Variants in ZBTB20 observed in about 807,000 individuals in gnomAD.
The protein encoded by ZBTB20 is zinc finger and BTB domain containing 20.
In ZBTB20, 9 loss-of-function variants were observed where a neutral mutation model predicts 56.9. The ratio of observed to expected loss-of-function variants is 0.16; its 90% CI spans 0.10 to 0.28. ZBTB20 has a LOEUF of 0.28. Ranked by LOEUF, ZBTB20 falls within the 10% of genes least tolerant of loss-of-function variation. The pLI is 1.00. For synonymous variants in ZBTB20, 417 were observed against 420.7 expected (o/e 0.99, Z 0.11); for missense variants, 655 against 1,003.0 (o/e 0.65, Z 4.69).
At chr3:114,498,493 T>C (rs1243683450) in intron 7 of ZBTB20, among the ~76,000 whole-genome samples, 1 of 152,158 alleles carries the variant, frequency 6.6e-6, no homozygotes, top group Non-Finnish European at 1.5e-5. Context: ...GGGGCACCAC[T>C]CTGGAGCCAT....
At chr3:114,553,774 T>G (rs531582997) in intron 6 of ZBTB20, among the ~76,000 whole-genome samples, 1 of 152,148 alleles carries the variant, frequency 6.6e-6, no homozygotes. Context: ...GTGTTCAAGT[T>G]CAGGATTGAG....
chr3:114,458,182 A>G (rs1035812268), intron 7 of ZBTB20, among the ~76,000 whole-genome samples: 1 of 152,190 alleles, frequency 6.6e-6, no homozygotes, highest in Non-Finnish European at 1.5e-5. Context: ...CAGTGTTAGC[A>G]CAAGGGTTAT....
chr3:115,108,104 G>A (rs1359364815), intron 1 of ZBTB20, among the ~76,000 whole-genome samples: 1 of 151,290 alleles, frequency 6.6e-6, no homozygotes, highest in Non-Finnish European at 1.5e-5. Flanking sequence ...GTATACCTAT[G>A]TAACAAATGT....
At chr3:114,746,036 T>C (rs1382832795) in intron 5 of ZBTB20, among the ~76,000 whole-genome samples, 1 of 152,168 alleles carries the variant, frequency 6.6e-6, no homozygotes, top group Non-Finnish European at 1.5e-5. Context: ...CTGCCCCTTG[T>C]TCTAAAAGTT....
intron 6 of ZBTB20, among the ~76,000 whole-genome samples, chr3:114,556,438 T>C (rs1455681834): frequency 6.7e-6 from 1 of 149,708 alleles, no homozygotes; most frequent in African/African-American, 2.6e-5. Context: ...TCAGACACCC[T>C]GAAGATACCC....
At chr3:114,682,358 T>C (rs2062027385) in intron 6 of ZBTB20, among the ~76,000 whole-genome samples, 2 of 152,178 alleles carry the variant, frequency 1.3e-5, no homozygotes, top group Admixed American at 1.3e-4. Context: ...AATTCTACAA[T>C]GCCTTTTGTA....
At chr3:114,584,248 C>T (rs2054945364) in intron 6 of ZBTB20, among the ~76,000 whole-genome samples, 1 of 152,042 alleles carries the variant, frequency 6.6e-6, no homozygotes, top group African/African-American at 2.4e-5. Flanking sequence ...CATTATCTAT[C>T]CCCTAATGTG....
At chr3:114,783,917 A>T (rs13079130) in intron 5 of ZBTB20, among the ~76,000 whole-genome samples, 10 of 152,168 alleles carry the variant, frequency 6.6e-5, no homozygotes, top group Admixed American at 3.9e-4. Context: ...TGTTTGGACT[A>T]GTATATTGAA....
Position 114,351,286 on chromosome 3 carries a change from G to A in ZBTB20, c.792C>T (p.Gly264=), listed in dbSNP as rs766342629. ...CAGTCTCGTGGTGGCTGACCACTGC[G>A]CCGCTGTAAAAAGAGCGCTCGCCGC... ...NGSGERSFYS[G]AVVSHHETAL... is the part of the protein sequence containing the mutation. The change falls in exon 11 of 12, where the codon GGC becomes GGT. Residue 264 remains glycine, a synonymous_variant. Transcript: ENST00000675478. The A allele has an allele frequency of 6.2e-7, 1 of 1,603,776 alleles. No individual in the cohort carries two copies. The highest frequency in any genetic ancestry group is 8.5e-7 in the Non-Finnish European group (1 of 1,179,190).
At chr3:114,791,568 A>G (rs1213052560) in intron 5 of ZBTB20, 1 of 152,170 alleles carries the variant, frequency 6.6e-6, no homozygotes, top group Admixed American at 6.6e-5. Context: ...AAGGGAAGAG[A>G]ACACTGATGG....
chr3:114,349,292 C>T (rs1048512985), intron 11 of ZBTB20, among the ~76,000 whole-genome samples: 1 of 151,920 alleles, frequency 6.6e-6, no homozygotes, highest in African/African-American at 2.4e-5. Flanking sequence ...ACATCACAAT[C>T]GCTTATGTGC....
intron 7 of ZBTB20, among the ~76,000 whole-genome samples, chr3:114,476,247 T>C (rs991214967): frequency 1.3e-5 from 2 of 152,204 alleles, no homozygotes; most frequent in African/African-American, 4.8e-5. Flanking sequence ...ATCTAGCTTA[T>C]TTCCAGTTTT....
chr3:114,346,367 C>T (rs928545734), intron 11 of ZBTB20, among the ~76,000 whole-genome samples: 1 of 151,822 alleles, frequency 6.6e-6, no homozygotes, highest in Non-Finnish European at 1.5e-5. Context: ...TAACACTTTG[C>T]CTCTTCTGAA....
chr3:114,447,486 AAC>A (rs2091338877), intron 7 of ZBTB20, among the ~76,000 whole-genome samples: 2 of 152,190 alleles, frequency 1.3e-5, no homozygotes. Context: ...AATATCAACA[AAC>A]ACAGAGAGAA....
intron 3 of ZBTB20, among the ~76,000 whole-genome samples, chr3:114,915,208 C>T (rs1220908246): frequency 6.6e-6 from 1 of 151,596 alleles, no homozygotes; most frequent in Non-Finnish European, 1.5e-5. Context: ...CCCAGGGTTT[C>T]CTTTGCTGAA....
rs1227907032 is a variant in ZBTB20 at position 114,323,804 on chromosome 3, C to T, written c.*15201G>A. The stretch of plus-strand genomic sequence containing the variant: ...GAGATTCCACAGATTCTCGCCAACC[C>T]TGCTAAGATCAAGCATGATGAAAAT... On this transcript the variant is annotated 3_prime_UTR_variant, in exon 12 of 12. Transcript: ENST00000675478. 6.6e-6 allele frequency: 1 copy of T among 152,152 alleles called. No individual in the cohort carries two copies. Among genetic ancestry groups the T allele is most frequent in the African/African-American group, 2.4e-5 (1 of 41,430 alleles). The allele number at this position is 152,152 out of a possible 1,614,324, so 9.4% of individuals were successfully genotyped here. A position where few individuals can be genotyped will look rare whatever the true frequency, so the allele number is the denominator to read the frequency against.
chr3:114,758,078 T>C (rs2068136223), intron 5 of ZBTB20, among the ~76,000 whole-genome samples: 4 of 152,146 alleles, frequency 2.6e-5, no homozygotes, highest in African/African-American at 9.7e-5. Flanking sequence ...TCAAAAACAG[T>C]TTGTTGTCGA....
Position 114,324,055 on chromosome 3 carries a change from ATG to A in ZBTB20, c.*14948_*14949del, listed in dbSNP as rs2078984593. ...GGGAAATTCAGTCTATCTCACACTT[ATG>A]TGAGTCATCTCTTTTGTTGCTCCTG... On this transcript the variant is annotated 3_prime_UTR_variant, in exon 12 of 12. Coordinates refer to ENST00000675478, the MANE Select transcript of ZBTB20 (RefSeq NM_001348800.3). 1 of 152,202 alleles carries A rather than the reference ATG, an allele frequency of 6.6e-6. No individual in the cohort carries two copies. Among genetic ancestry groups the A allele is most frequent in the Admixed American group, 6.5e-5 (1 of 15,280 alleles). The allele number at this position is 152,202 out of a possible 1,614,324, so 9.4% of individuals were successfully genotyped here. A position where few individuals can be genotyped will look rare whatever the true frequency, so the allele number is the denominator to read the frequency against.
intron 5 of ZBTB20, among the ~76,000 whole-genome samples, chr3:114,740,462 A>G (rs2066495068): frequency 6.6e-6 from 1 of 152,228 alleles, no homozygotes; most frequent in African/African-American, 2.4e-5. Context: ...TTAGGGAAAA[A>G]TAACAATATA....
Sources: allele counts gnomAD v4.1 joint callset (sites outside exome capture counted in the v4.1 genomes callset), GRCh38; gene constraint gnomAD v4.1.1; transcripts MANE v1.5; gene names NCBI Gene and HGNC (gene_info 2026-07-23, HGNC 2026-07-21).